SAMD12: variants seen among roughly 807,000 people sequenced by gnomAD.
SAMD12 encodes sterile alpha motif domain-containing protein 12.
A neutral mutation model predicts 15.0 loss-of-function variants in SAMD12; 9 were observed. That is an observed-to-expected ratio of 0.60 (90% CI 0.36 to 1.05). The LOEUF (loss-of-function observed/expected upper bound fraction) is 1.05. SAMD12 is among the 50% of genes least tolerant of loss of function. The pLI is 0.01. For synonymous variants in SAMD12, 86 were observed against 90.1 expected, an observed-to-expected ratio of 0.96 and a Z score of 0.25; for missense variants, 230 against 234.2, an observed-to-expected ratio of 0.98 and a Z score of 0.12.
At chr8:118,458,275 C>T (rs1397297148) in intron 2 of SAMD12, among the ~76,000 whole-genome samples, 7 of 151,880 alleles carry the variant, frequency 4.6e-5, no homozygotes. Context: ...TTCCATTTTC[C>T]TCTTCAATGT....
chr8:118,224,024 A>G (rs141354184), intron 4 of SAMD12, among the ~76,000 whole-genome samples: 1 of 152,362 alleles, frequency 6.6e-6, no homozygotes, highest in Admixed American at 6.5e-5. Flanking sequence ...AGATCCATGA[A>G]TAGAACAGAA....
At chr8:118,524,567 A>T (rs936544339) in intron 2 of SAMD12, among the ~76,000 whole-genome samples, 1 of 152,088 alleles carries the variant, frequency 6.6e-6, no homozygotes, top group Admixed American at 6.6e-5. Context: ...ATGCCTGCCA[A>T]ATATATACCT....
chr8:118,216,385 C>T lies in SAMD12; in HGVS notation c.434-18653G>A, dbSNP rs113909288. On this transcript the variant is annotated intron_variant, in intron 4 of 4. Coordinates refer to the SAMD12 transcript ENST00000409003. Reference sequence around the variant, plus strand: ...AGCCCTTTGTCAGATGAGTAGGTTGCGAAAATTTTCTCCCATTTTGTAGGT... The same window carrying T: ...AGCCCTTTGTCAGATGAGTAGGTTGTGAAAATTTTCTCCCATTTTGTAGGT... Among the ~76,000 whole-genome samples, 7 of 151,256 alleles carry T rather than the reference C, an allele frequency of 4.6e-5. No homozygotes were observed. In the East Asian group the frequency reaches 5.8e-4, roughly 13 times the overall value.
the SAMD12 span, among the ~76,000 whole-genome samples, chr8:118,154,144 G>GCACACACACA: frequency 0.015 from 2,199 of 149,798 alleles, 22 homozygotes; most frequent in Middle Eastern, 0.044. Context: ...ACACACAAGT[G>GCACACACACA]CACACACACA....
At chr8:118,558,007 C>T (rs1306370629) in intron 2 of SAMD12, among the ~76,000 whole-genome samples, 1 of 152,168 alleles carries the variant, frequency 6.6e-6, no homozygotes, top group Non-Finnish European at 1.5e-5. Flanking sequence ...AAACAATCCA[C>T]TTATCTGGTC....
the SAMD12 span, among the ~76,000 whole-genome samples, chr8:118,162,481 G>A: frequency 6.6e-6 from 1 of 151,896 alleles, no homozygotes; most frequent in Non-Finnish European, 1.5e-5. Context: ...TTATAAATGA[G>A]AAGAGGGAGA....
At chr8:118,478,137 C>CCTTTTATA (rs1325942395) in intron 2 of SAMD12, among the ~76,000 whole-genome samples, 1 of 151,864 alleles carries the variant, frequency 6.6e-6, no homozygotes, top group Non-Finnish European at 1.5e-5. Flanking sequence ...AAATATAAAT[C>CCTTTTATA]CTTTTATATC....
intron 4 of SAMD12, among the ~76,000 whole-genome samples, chr8:118,201,105 T>C (rs1819703180): frequency 1.3e-5 from 2 of 152,204 alleles, no homozygotes; most frequent in Non-Finnish European, 2.9e-5. Flanking sequence ...TTCGGGTATA[T>C]AAATCTACAT....
chr8:118,607,239 C>CTTTTTTTTTTTTTTTTTT (rs35374950), intron 1 of SAMD12, among the ~76,000 whole-genome samples: 1 of 149,592 alleles, frequency 6.7e-6, no homozygotes, highest in Non-Finnish European at 1.5e-5. Flanking sequence ...CCCAAATGTC[C>CTTTTTTTTTTTTTTTTTT]TTTTTTTTTT....
chr8:118,201,150 C>G (rs1407018443), intron 4 of SAMD12, among the ~76,000 whole-genome samples: 1 of 152,210 alleles, frequency 6.6e-6, no homozygotes, highest in Non-Finnish European at 1.5e-5. Flanking sequence ...TTGCATTAGA[C>G]AGCCCTGGCT....
At chr8:118,364,794 AC>A (rs777444140) in intron 4 of SAMD12, among the ~76,000 whole-genome samples, 3 of 151,798 alleles carry the variant, frequency 2.0e-5, no homozygotes, top group African/African-American at 4.8e-5. Context: ...AATCTTTACA[AC>A]CCTCTCCTTT....
At chr8:118,335,241 GCTCATCCAGGA>G (rs1281443211) in intron 4 of SAMD12, among the ~76,000 whole-genome samples, 1 of 152,122 alleles carries the variant, frequency 6.6e-6, no homozygotes, top group Admixed American at 6.5e-5. Context: ...TCCCAATGTG[GCTCATCCAGGA>G]CTGCTATTGT....
At chr8:118,620,971 T>C (rs1828386586) in intron 1 of SAMD12, 1 of 152,204 alleles carries the variant, frequency 6.6e-6, no homozygotes, top group South Asian at 2.1e-4. Context: ...ACAGTTTTTT[T>C]TTCTTCTTCA....
chr8:118,614,960 G>A (rs1180459330), intron 1 of SAMD12, among the ~76,000 whole-genome samples: 6 of 152,186 alleles, frequency 3.9e-5, no homozygotes, highest in Admixed American at 1.3e-4. Context: ...AGCTTTCCAC[G>A]CTTGCTCTTG....
rs558529665 is a variant in SAMD12 at position 118,596,532 on chromosome 8, G to A, written c.14-15639C>T. Reference sequence around the variant, plus strand: ...CCATTATAATCTGGCTCTTCCACCTGCTGCTGATTCTATCAATGACCCCTT... The same window carrying A: ...CCATTATAATCTGGCTCTTCCACCTACTGCTGATTCTATCAATGACCCCTT... On this transcript the variant is annotated intron_variant, in intron 1 of 3. Transcript: ENST00000314727. Among the ~76,000 whole-genome samples the A allele has an allele frequency of 2.0e-5, 3 of 152,266 alleles. No individual in the cohort carries two copies. The East Asian group carries it at 5.8e-4, about 29-fold the overall frequency.
intron 4 of SAMD12, among the ~76,000 whole-genome samples, chr8:118,280,019 G>A (rs774596649): frequency 6.6e-6 from 1 of 152,154 alleles, no homozygotes; most frequent in Non-Finnish European, 1.5e-5. Flanking sequence ...GTTGACTATT[G>A]CACGTTCTCT....
chr8:118,324,205 G>T (rs1816452614), intron 4 of SAMD12, among the ~76,000 whole-genome samples: 1 of 152,058 alleles, frequency 6.6e-6, no homozygotes, highest in Non-Finnish European at 1.5e-5. Context: ...CTCCAGAAAA[G>T]ATTTCAACAA....
At chr8:118,248,663 C>T (rs1008481714) in intron 4 of SAMD12, among the ~76,000 whole-genome samples, 2 of 151,938 alleles carry the variant, frequency 1.3e-5, no homozygotes, top group African/African-American at 4.8e-5. Context: ...GATGTACACC[C>T]TCTTCTGAAA....
intron 3 of SAMD12, among the ~76,000 whole-genome samples, chr8:118,402,746 A>C (rs911769179): frequency 2.6e-5 from 4 of 152,228 alleles, no homozygotes; most frequent in African/African-American, 9.6e-5. Context: ...TAAAAGCATG[A>C]AAGAACAGAC....
Sources: gnomAD v4.1 joint callset for allele counts (sites outside exome capture counted in the v4.1 genomes callset) on GRCh38, gnomAD v4.1.1 for gene constraint, MANE v1.5 for transcripts, NCBI Gene and HGNC (gene_info 2026-07-23, HGNC 2026-07-21) for gene names.